Variants in TRPM6 observed in about 807,000 individuals in gnomAD.
The protein encoded by TRPM6 is transient receptor potential cation channel subfamily M member 6.
Under a neutral mutation model 247.6 loss-of-function variants are expected in TRPM6, and 111 were observed. That is an observed-to-expected ratio of 0.45 (90% CI 0.38 to 0.52). TRPM6 has a LOEUF of 0.52. Ranked by LOEUF, TRPM6 falls within the 20% of genes least tolerant of loss-of-function variation. The pLI is 0.00. For synonymous variants in TRPM6, 892 were observed against 853.8 expected, an observed-to-expected ratio of 1.04 and a Z score of -0.78; for missense variants, 2,126 against 2,421.5, an observed-to-expected ratio of 0.88 and a Z score of 2.56.
At chr9:74,851,748 CAAA>C (rs767892848) in intron 3 of TRPM6, among the ~76,000 whole-genome samples, 6 of 133,992 alleles carry the variant, frequency 4.5e-5, no homozygotes, top group Admixed American at 7.3e-5. Context: ...GACTTTGTCT[CAAA>C]AAAAAAAAAA....
At chr9:74,810,941 G>T in intron 12 of TRPM6, 73 bp from the exon 13 acceptor site, 1 of 1,176,452 alleles carries the variant, frequency 8.5e-7, no homozygotes, top group Non-Finnish European at 1.3e-6. Flanking sequence ...CTTTACTTCA[G>T]AATGCATAAG....
intron 4 of TRPM6, among the ~76,000 whole-genome samples, chr9:74,841,381 A>G (rs778343524): frequency 4.6e-5 from 7 of 152,376 alleles, no homozygotes; most frequent in Non-Finnish European, 8.8e-5. Flanking sequence ...AAGGACAATA[A>G]GAAACCATGA....
intron 5 of TRPM6, among the ~76,000 whole-genome samples, chr9:74,835,131 T>C (rs1406820657): frequency 2.0e-5 from 3 of 152,178 alleles, no homozygotes; most frequent in African/African-American, 7.2e-5. Flanking sequence ...CCATTCTAAC[T>C]GGTGTGAGAT....
At chr9:74,811,954 G>A (rs972650461) in intron 12 of TRPM6, among the ~76,000 whole-genome samples, 1 of 152,180 alleles carries the variant, frequency 6.6e-6, no homozygotes, top group Non-Finnish European at 1.5e-5. Flanking sequence ...TTTTCCTCAG[G>A]AGTATTTATG....
At chr9:74,817,818 G>A (rs1426043004) in intron 9 of TRPM6, among the ~76,000 whole-genome samples, 1 of 152,066 alleles carries the variant, frequency 6.6e-6, no homozygotes, top group Non-Finnish European at 1.5e-5. Flanking sequence ...AGTAGAAGGA[G>A]CTATTTTAAT....
At chr9:74,772,732 G>C (rs1475769151) in intron 24 of TRPM6, among the ~76,000 whole-genome samples, 1 of 152,152 alleles carries the variant, frequency 6.6e-6, no homozygotes, top group Non-Finnish European at 1.5e-5. Context: ...TGATGGCAGG[G>C]CATGGTGGCT....
At position 74,834,212 on chromosome 9, in the gene TRPM6, C is replaced by T. The variant is rs995034346; in HGVS notation, c.545-90G>A. On this transcript the variant is annotated intron_variant, in intron 5 of 38. Transcript: ENST00000360774. ...AGAAACAGACAAATAAATAGGCAAG[C>T]ATATGCAAGGGCTATTCTTAGGGAG... 4.7e-6 allele frequency: 7 copies of T among 1,493,446 alleles called. No homozygotes were observed. The African/African-American group carries it at 8.3e-5, about 18-fold the overall frequency. 92.5% of individuals were successfully genotyped at this position (1,493,446 alleles called of 1,614,324 possible).
chr9:74,838,427 C>T (rs918121284), intron 5 of TRPM6, among the ~76,000 whole-genome samples: 1 of 152,158 alleles, frequency 6.6e-6, no homozygotes, highest in Non-Finnish European at 1.5e-5. Context: ...TGGGCCAAAT[C>T]CCTTGGTTTT....
At chr9:74,792,102 T>C (rs1335821717) in intron 19 of TRPM6, among the ~76,000 whole-genome samples, 1 of 152,194 alleles carries the variant, frequency 6.6e-6, no homozygotes, top group African/African-American at 2.4e-5. Context: ...TATTGCTTAA[T>C]TCTACAAACA....
At chr9:74,829,044 G>A (rs1829454328) in intron 6 of TRPM6, among the ~76,000 whole-genome samples, 1 of 152,134 alleles carries the variant, frequency 6.6e-6, no homozygotes, top group South Asian at 2.1e-4. Flanking sequence ...TGTAATACCA[G>A]CACTTTAGGA....
chr9:74,732,903 A>G (rs146721304), intron 36 of TRPM6, among the ~76,000 whole-genome samples, 167 bp from the exon 37 acceptor site: 3 of 152,302 alleles, frequency 2.0e-5, no homozygotes, highest in East Asian at 1.9e-4. Flanking sequence ...ACTGGCAAGT[A>G]AAAAATCTGG....
rs200855300 is a variant in TRPM6, at chr9:74,782,773, C to T, written c.3000G>A (p.Ser1000=). The T allele has an allele frequency of 6.3e-5, 102 of 1,614,066 alleles. No individual in the cohort carries two copies. In the East Asian group the frequency reaches 9.6e-4, roughly 15 times the overall value. ...GACTCCAAGATGGTGGCTCTTTTGGCGAAAGGATGGCCTTGCGTGCCACTC... is the reference window on the plus strand; with the variant it reads ...GACTCCAAGATGGTGGCTCTTTTGGTGAAAGGATGGCCTTGCGTGCCACTC... The part of the protein sequence containing the change: ...SFGVARKAIL[S]PKEPPSWSLA... The change falls in exon 22 of 39, where the codon TCG becomes TCA. Residue 1000 remains serine, a synonymous_variant. Transcript: ENST00000360774.
chr9:74,809,334 A>G (rs7047501), intron 13 of TRPM6, among the ~76,000 whole-genome samples: 40,955 of 152,028 alleles, frequency 0.27, 5,907 homozygotes, highest in African/African-American at 0.38. Flanking sequence ...GTTCACTTTT[A>G]AACTGCCCAT....
At chr9:74,829,694 AC>A (rs1829478525) in intron 6 of TRPM6, among the ~76,000 whole-genome samples, 1 of 152,236 alleles carries the variant, frequency 6.6e-6, no homozygotes, top group Non-Finnish European at 1.5e-5. Context: ...GAGGCAAGAA[AC>A]CAAAAGGAAA....
intron 23 of TRPM6, 124 bp downstream of exon 23, chr9:74,782,238 C>T (rs1827488635): frequency 1.4e-6 from 1 of 703,350 alleles, no homozygotes; most frequent in African/African-American, 1.8e-5. Flanking sequence ...TATTTCAAAA[C>T]AATAATAATA....
At chr9:74,848,954 G>A (rs1830196603) in intron 3 of TRPM6, among the ~76,000 whole-genome samples, 1 of 152,188 alleles carries the variant, frequency 6.6e-6, no homozygotes, top group South Asian at 2.1e-4. Flanking sequence ...GTACATGGTG[G>A]AGAAATGTGG....
At chr9:74,856,352 G>C (rs1339139451) in intron 2 of TRPM6, among the ~76,000 whole-genome samples, 2 of 151,964 alleles carry the variant, frequency 1.3e-5, no homozygotes, top group South Asian at 4.1e-4. Context: ...AGATGGGAGG[G>C]TTGTTTGAGT....
chr9:74,743,507 T>C (rs775099751), intron 32 of TRPM6, among the ~76,000 whole-genome samples: 9 of 152,236 alleles, frequency 5.9e-5, no homozygotes, highest in Non-Finnish European at 1.0e-4. Flanking sequence ...TGTTTTCCTC[T>C]TAATTCTCAA....
chr9:74,875,465 C>T (rs1028902414), intron 1 of TRPM6, among the ~76,000 whole-genome samples: 1 of 152,098 alleles, frequency 6.6e-6, no homozygotes, highest in Non-Finnish European at 1.5e-5. Context: ...ATTGCTCAAA[C>T]CTGGGAAGTG....
Sources: gnomAD v4.1 joint callset for allele counts (sites outside exome capture counted in the v4.1 genomes callset) on GRCh38, gnomAD v4.1.1 for gene constraint, MANE v1.5 for transcripts, NCBI Gene and HGNC (gene_info 2026-07-23, HGNC 2026-07-21) for gene names.